Variants in NEGR1 observed in about 807,000 individuals in gnomAD.
NEGR1 encodes IgLON family member 4.
A neutral mutation model predicts 40.9 loss-of-function variants in NEGR1; 10 were observed. The observed-to-expected ratio is 0.24, with a 90% confidence interval of 0.15 to 0.42. The LOEUF (loss-of-function observed/expected upper bound fraction) is 0.42, where lower values mean the gene tolerates loss of function less well. Among genes scored for constraint, NEGR1 ranks in the 10% least tolerant of loss-of-function variants. The pLI, the probability that NEGR1 is intolerant of heterozygous loss-of-function variation, is 1.00. For synonymous variants in NEGR1, 185 were observed against 166.8 expected (o/e 1.11, Z -0.84); for missense variants, 352 against 438.9 (o/e 0.80, Z 1.77).
rs561240475 is a variant in NEGR1 at position 72,208,861 on chromosome 1, A to G, written c.176+73458T>C. On this transcript the variant is annotated intron_variant, in intron 1 of 6. Coordinates refer to ENST00000357731, the MANE Select transcript of NEGR1 (RefSeq NM_173808.3). ...TTTGGTACTTTTGATTACAGACAGA[A>G]ATCAAACAGTCAAGTTACATCTATA... Among the ~76,000 whole-genome samples, 86 of 151,812 alleles carry G rather than the reference A, an allele frequency of 5.7e-4. 2 individuals carry two copies. The highest frequency in any genetic ancestry group is 5.6e-3 in the Admixed American group (85 of 15,208).
chr1:71,609,616 T>A (rs1650187051), intron 5 of NEGR1, among the ~76,000 whole-genome samples: 1 of 146,482 alleles, frequency 6.8e-6, no homozygotes, highest in South Asian at 2.2e-4. Context: ...TAAAAAGGGA[T>A]ATTGTCTTCC....
At chr1:71,605,456 A>G (rs1296841192) in intron 5 of NEGR1, among the ~76,000 whole-genome samples, 2 of 152,200 alleles carry the variant, frequency 1.3e-5, no homozygotes, top group Non-Finnish European at 2.9e-5. Flanking sequence ...AGACGGTAAT[A>G]CCATCTTCAC....
intron 3 of NEGR1, among the ~76,000 whole-genome samples, chr1:71,732,507 TGTGTGTGTGTGTGC>T (rs1287534253): frequency 6.6e-6 from 1 of 151,122 alleles, no homozygotes; most frequent in South Asian, 2.1e-4. Flanking sequence ...TGTGTGTGTG[TGTGTGTGTGTGTGC>T]GCGCGCGCGC....
intron 2 of NEGR1, among the ~76,000 whole-genome samples, chr1:71,871,555 T>C (rs1660279494): frequency 6.6e-6 from 1 of 152,216 alleles, no homozygotes; most frequent in Admixed American, 6.5e-5. Context: ...GCCCTGTCAG[T>C]TGCATACATC....
intron 4 of NEGR1, among the ~76,000 whole-genome samples, chr1:71,685,862 A>C (rs1653017363): frequency 6.6e-6 from 1 of 152,308 alleles, no homozygotes; most frequent in South Asian, 2.1e-4. Context: ...TTTTTTGAAG[A>C]AACTTATGAA....
intron 4 of NEGR1, among the ~76,000 whole-genome samples, chr1:71,663,931 C>A (rs1169658397): frequency 6.6e-6 from 1 of 152,140 alleles, no homozygotes; most frequent in Non-Finnish European, 1.5e-5. Context: ...ATTATGGATT[C>A]TATACAAGCA....
chr1:71,464,450 C>A (rs567481206), intron 6 of NEGR1, among the ~76,000 whole-genome samples: 1 of 152,006 alleles, frequency 6.6e-6, no homozygotes, highest in Non-Finnish European at 1.5e-5. Context: ...AAGCAACAAA[C>A]AATATCTAAT....
At chr1:71,872,572 T>C (rs550411306) in intron 2 of NEGR1, among the ~76,000 whole-genome samples, 1 of 152,286 alleles carries the variant, frequency 6.6e-6, no homozygotes, top group Admixed American at 6.5e-5. Context: ...CATCTCTCAG[T>C]GACCATCATG....
chr1:71,557,704 T>A (rs1437328296), intron 6 of NEGR1, among the ~76,000 whole-genome samples: 1 of 151,542 alleles, frequency 6.6e-6, no homozygotes. Context: ...CATGGGACAA[T>A]TATCAAATAT....
chr1:71,583,724 C>T (rs568278170), intron 6 of NEGR1, among the ~76,000 whole-genome samples: 3 of 152,222 alleles, frequency 2.0e-5, no homozygotes, highest in South Asian at 4.1e-4. Context: ...TTATTCTGCC[C>T]GTTTTAGGAA....
chr1:71,816,538 T>C (rs1488366464), intron 2 of NEGR1, among the ~76,000 whole-genome samples: 3 of 151,964 alleles, frequency 2.0e-5, no homozygotes, highest in African/African-American at 7.2e-5. Context: ...AACCATCAGA[T>C]CTCATGAAAC....
intron 4 of NEGR1, among the ~76,000 whole-genome samples, chr1:71,692,205 G>A (rs1017872561): frequency 1.3e-5 from 2 of 151,568 alleles, no homozygotes; most frequent in African/African-American, 4.8e-5. Flanking sequence ...CATCATTGGA[G>A]ATGTTATAGG....
intron 6 of NEGR1, among the ~76,000 whole-genome samples, chr1:71,558,135 GT>G (rs549896777): frequency 6.6e-6 from 1 of 151,482 alleles, no homozygotes; most frequent in Non-Finnish European, 1.5e-5. Flanking sequence ...TGGTTAAGCT[GT>G]TTTTTGTCAT....
chr1:71,810,800 T>C (rs1423236862), intron 2 of NEGR1, among the ~76,000 whole-genome samples: 1 of 152,096 alleles, frequency 6.6e-6, no homozygotes, highest in Admixed American at 6.6e-5. Context: ...CCTCTTTGCC[T>C]TCCACCATGA....
At chr1:71,844,349 C>T (rs767527670) in intron 2 of NEGR1, among the ~76,000 whole-genome samples, 2 of 152,178 alleles carry the variant, frequency 1.3e-5, no homozygotes, top group Non-Finnish European at 2.9e-5. Flanking sequence ...CCTCCTGATC[C>T]TGACAACAGT....
chr1:71,800,550 C>T (rs1363986215), intron 2 of NEGR1, among the ~76,000 whole-genome samples: 1 of 152,208 alleles, frequency 6.6e-6, no homozygotes, highest in African/African-American at 2.4e-5. Context: ...TTGTCCCTCT[C>T]CCTATCCCTT....
At chr1:71,722,718 A>AT (rs940834384) in intron 3 of NEGR1, among the ~76,000 whole-genome samples, 23 of 139,836 alleles carry the variant, frequency 1.6e-4, no homozygotes, top group East Asian at 3.9e-4. Context: ...ATTGGCATAC[A>AT]TTTTTTTTAT....
intron 5 of NEGR1, among the ~76,000 whole-genome samples, chr1:71,605,995 A>G (rs999353737): frequency 9.9e-5 from 15 of 152,220 alleles, no homozygotes; most frequent in African/African-American, 1.4e-4. Flanking sequence ...AGATGGCATC[A>G]GATGACTCTC....
intron 4 of NEGR1, among the ~76,000 whole-genome samples, chr1:71,690,217 C>T (rs945559459): frequency 2.9e-4 from 44 of 151,916 alleles, no homozygotes; most frequent in Admixed American, 1.6e-3. Context: ...GATGCTATGG[C>T]GAAGACCCAA....
Sources: allele counts gnomAD v4.1 joint callset (sites outside exome capture counted in the v4.1 genomes callset), GRCh38; gene constraint gnomAD v4.1.1; transcripts MANE v1.5; gene names NCBI Gene and HGNC (gene_info 2026-07-23, HGNC 2026-07-21).